The following ARL8A variants were observed in gnomAD, a reference collection of about 807,000 sequenced individuals.
ARL8A encodes the protein ARF like GTPase 8A, also known as ADP-ribosylation factor-like protein 8A.
In ARL8A, 10 loss-of-function variants were observed where a neutral mutation model predicts 31.2. The observed-to-expected ratio is 0.32, with a 90% CI of 0.20 to 0.54. The LOEUF is 0.54. Among genes scored for constraint, ARL8A ranks in the 20% least tolerant of loss-of-function variants. The pLI is 0.93. For synonymous variants in ARL8A, 70 were observed against 86.9 expected (o/e 0.81, Z 1.08); for missense variants, 129 against 242.8 (o/e 0.53, Z 3.12).
chr1:202,135,344 G>T lies in ARL8A; in HGVS notation c.440+115C>A. 3 of 1,478,172 alleles carry T rather than the reference G, an allele frequency of 2.0e-6. No homozygotes were observed. In the South Asian group the frequency reaches 3.4e-5, roughly 17 times the overall value. 91.6% of individuals were successfully genotyped at this position (1,478,172 alleles called of 1,614,324 possible). ...AGGGGAGGGTGAGGTGCCTGAAAAG[G>T]TCGGCTCTGCTGCCACCGTGTGGCT... On this transcript the variant is annotated intron_variant, in intron 5 of 6. Coordinates refer to ENST00000272217, the MANE Select transcript of ARL8A (RefSeq NM_138795.4). The surrounding 1 kb of genome is among the most constrained non-coding windows in gnomAD (Gnocchi z 5.3).
chr1:202,135,431 GA>G lies in ARL8A; in HGVS notation c.440+27del. 1 of 1,608,856 alleles carries G rather than the reference GA, an allele frequency of 6.2e-7. No individual in the cohort carries two copies. Among genetic ancestry groups the G allele is most frequent in the Non-Finnish European group, 8.5e-7 (1 of 1,175,218 alleles). On this transcript the variant is annotated intron_variant, in intron 5 of 6. Transcript: ENST00000272217. This position sits in a 1 kb window ranked among gnomAD's most constrained non-coding sequence, Gnocchi z 5.3. ...TGGTGGTTGGGGAATTGGGAGAGCA[GA>G]AAGTAATATAGAGTCACCCAACTCA...
chr1:202,144,613 GC>G lies in ARL8A; in HGVS notation c.-42del. 5 of 1,358,276 alleles carry G rather than the reference GC, an allele frequency of 3.7e-6. No individual in the cohort carries two copies. The highest frequency in any genetic ancestry group is 4.4e-5 in the East Asian group (1 of 22,640). The allele number at this position is 1,358,276 out of a possible 1,614,324, so 84.1% of individuals were successfully genotyped here. On this transcript the variant is annotated 5_prime_UTR_variant, in exon 1 of 7. Coordinates refer to ENST00000272217, the MANE Select transcript of ARL8A (RefSeq NM_138795.4). This position sits in a 1 kb window ranked among gnomAD's most constrained non-coding sequence, Gnocchi z 5.2. ...CCCCGCCCGGTGCCAGGTCCCCGCC[GC>G]CCCTCGCTGCCCTCGCGCTGCGGCC...
chr1:202,143,464 C>G (rs1379527607), intron 1 of ARL8A, among the ~76,000 whole-genome samples: 1 of 152,208 alleles, frequency 6.6e-6, no homozygotes, highest in Non-Finnish European at 1.5e-5. Flanking sequence ...AGCTTTGGGA[C>G]TGGGGCCAGG....
intron 1 of ARL8A, among the ~76,000 whole-genome samples, chr1:202,139,928 G>A (rs1267603337): frequency 4.6e-5 from 7 of 151,938 alleles, no homozygotes; most frequent in Non-Finnish European, 2.9e-5. Flanking sequence ...GATTATAGGG[G>A]TGAGCCACGG....
rs1189743007 is a variant in ARL8A at position 202,133,797 on chromosome 1, C to T, written c.*670G>A. 1 of 152,196 alleles carries T rather than the reference C, an allele frequency of 6.6e-6. No homozygotes were observed. The highest frequency in any genetic ancestry group is 1.5e-5 in the Non-Finnish European group (1 of 68,060). The allele number at this position is 152,196 out of a possible 1,614,324, so 9.4% of individuals were successfully genotyped here. A position where few individuals can be genotyped will look rare whatever the true frequency, so the allele number is the denominator to read the frequency against. On this transcript the variant is annotated 3_prime_UTR_variant, in exon 7 of 7. Transcript: ENST00000272217. ...CTGGTCGTCGTACCTGGTGGCTCTA[C>T]CCAGGCTGGGGGTCGAGGGGAGGGG... is the stretch of plus-strand genomic sequence containing the variant.
intron 1 of ARL8A, among the ~76,000 whole-genome samples, chr1:202,139,810 G>A (rs536401457): frequency 2.6e-4 from 39 of 151,320 alleles, no homozygotes; most frequent in African/African-American, 9.0e-4. Context: ...ACCACACCCA[G>A]CTAATTTTTG....
At position 202,134,396 on chromosome 1, in the gene ARL8A, G is replaced by T. The variant is rs1397953934; in HGVS notation, c.*71C>A. 2.6e-6 allele frequency: 4 copies of T among 1,514,672 alleles called. No homozygotes were observed. The highest frequency in any genetic ancestry group is 3.7e-6 in the Non-Finnish European group (4 of 1,091,798). 93.8% of individuals were successfully genotyped at this position (1,514,672 alleles called of 1,614,324 possible). On this transcript the variant is annotated 3_prime_UTR_variant, in exon 7 of 7. Coordinates refer to ENST00000272217, the MANE Select transcript of ARL8A (RefSeq NM_138795.4). This position sits in a 1 kb window ranked among gnomAD's most constrained non-coding sequence, Gnocchi z 4.2. ...AGGGGTGGGCTTAGGGGGACGACAG[G>T]GGTGGGCGGGGAGCTCGGCTTCAGG... is the stretch of plus-strand genomic sequence containing the variant.
chr1:202,137,942 G>A (rs370090800), intron 3 of ARL8A, 23 bp downstream of exon 3: 1 of 1,613,648 alleles, frequency 6.2e-7, no homozygotes, highest in African/African-American at 1.3e-5. Flanking sequence ...GCTGGAGTCT[G>A]GCGATGCCTC....
Position 202,134,209 on chromosome 1 carries a change from G to A in ARL8A, c.*258C>T. On this transcript the variant is annotated 3_prime_UTR_variant, in exon 7 of 7. Transcript: ENST00000272217. The surrounding 1 kb of genome is among the most constrained non-coding windows in gnomAD (Gnocchi z 4.2). Reference sequence around the variant, plus strand: ...GGGGGCTGTGGCCCAGGGCTGCTGGGAGGGAGGCAGGGCTGGGTGATGGGA... The same window carrying A: ...GGGGGCTGTGGCCCAGGGCTGCTGGAAGGGAGGCAGGGCTGGGTGATGGGA... 2 of 523,500 alleles carry A rather than the reference G, an allele frequency of 3.8e-6. No homozygotes were observed. The highest frequency in any genetic ancestry group is 6.5e-5 in the Admixed American group (2 of 30,664). 32.4% of individuals were successfully genotyped at this position (523,500 alleles called of 1,614,324 possible). A position where few individuals can be genotyped will look rare whatever the true frequency, so the allele number is the denominator to read the frequency against.
In ARL8A at chr1:202,135,322, G is replaced by A; in HGVS notation, c.441-102C>T. On this transcript the variant is annotated intron_variant, in intron 5 of 6. Transcript: ENST00000272217. This position sits in a 1 kb window ranked among gnomAD's most constrained non-coding sequence, Gnocchi z 5.3. ...TTTCTTACCTAAGAGGCTACAAAGG[G>A]GAGGGTGAGGTGCCTGAAAAGGTCG... is the stretch of plus-strand genomic sequence containing the variant. 1 of 1,450,956 alleles carries A rather than the reference G, an allele frequency of 6.9e-7. No individual in the cohort carries two copies. Among genetic ancestry groups the A allele is most frequent in the Non-Finnish European group, 9.7e-7 (1 of 1,032,984 alleles). 89.9% of individuals were successfully genotyped at this position (1,450,956 alleles called of 1,614,324 possible). A position where few individuals can be genotyped will look rare whatever the true frequency, so the allele number is the denominator to read the frequency against.
chr1:202,143,478 C>G (rs1304295507), intron 1 of ARL8A, among the ~76,000 whole-genome samples: 3 of 152,214 alleles, frequency 2.0e-5, no homozygotes, highest in African/African-American at 7.2e-5. Context: ...GGCCAGGTCC[C>G]TGGACAACCC....
chr1:202,144,643 A>C lies in ARL8A; in HGVS notation c.-71T>G. 3.3e-6 allele frequency: 4 copies of C among 1,221,942 alleles called. No homozygotes were observed. The highest frequency in any genetic ancestry group is 4.1e-6 in the Non-Finnish European group (4 of 966,158). The allele number at this position is 1,221,942 out of a possible 1,614,324, so 75.7% of individuals were successfully genotyped here. On this transcript the variant is annotated 5_prime_UTR_variant, in exon 1 of 7. Coordinates refer to ENST00000272217, the MANE Select transcript of ARL8A (RefSeq NM_138795.4). The surrounding 1 kb of genome is among the most constrained non-coding windows in gnomAD (Gnocchi z 5.2). ...TCGCTGCCCTCGCGCTGCGGCCCGG[A>C]GCGGCCCCTCCCCGGTACGGCCCGG...
chr1:202,136,549 G>T (rs1655010484), intron 3 of ARL8A, among the ~76,000 whole-genome samples: 1 of 151,942 alleles, frequency 6.6e-6, no homozygotes, highest in South Asian at 2.1e-4. Context: ...AAAGTGCTGG[G>T]ATTACAGGCA....
chr1:202,137,077 C>T (rs1013432203), intron 3 of ARL8A, among the ~76,000 whole-genome samples: 3 of 151,938 alleles, frequency 2.0e-5, no homozygotes, highest in Non-Finnish European at 4.4e-5. Flanking sequence ...AGGATGGTCT[C>T]GATCTTCTGA....
intron 3 of ARL8A, among the ~76,000 whole-genome samples, chr1:202,136,372 C>T (rs1280620002): frequency 2.0e-5 from 3 of 150,112 alleles, no homozygotes; most frequent in Non-Finnish European, 4.5e-5. Context: ...CTCCGCCTGC[C>T]AGGTTCAAGC....
rs1655076291 is a variant in ARL8A, at chr1:202,138,400, G to T, written c.172C>A (p.Arg58Ser). 6.2e-7 allele frequency: 1 copy of T among 1,613,956 alleles called. No individual in the cohort carries two copies. The highest frequency in any genetic ancestry group is 8.5e-7 in the Non-Finnish European group (1 of 1,179,964). ...DMIPTVGFNMRKITKGNVTIK... is the reference protein window; with the variant it reads ...DMIPTVGFNMSKITKGNVTIK... ...GTCACATTCCCTTTGGTGATTTTGCGCATGTTGAAACCCACGGTGGGGATC... is the reference window on the plus strand; with the variant it reads ...GTCACATTCCCTTTGGTGATTTTGCTCATGTTGAAACCCACGGTGGGGATC... The change falls in exon 2 of 7, where the codon CGC (arginine) becomes AGC (serine). Residue 58 changes from arginine (R) to serine (S), a missense_variant. Physicochemically the swap from Arg to Ser is moderately radical, Grantham distance 110. Transcript: ENST00000272217. The surrounding 1 kb of genome is among the most constrained non-coding windows in gnomAD (Gnocchi z 4.4).
intron 1 of ARL8A, among the ~76,000 whole-genome samples, chr1:202,141,957 T>C (rs1655176873): frequency 6.6e-6 from 1 of 151,982 alleles, no homozygotes; most frequent in Admixed American, 6.6e-5. Flanking sequence ...AGCCTCCGCC[T>C]CCTGGGTTCA....
rs1216885555 is a variant in ARL8A, at chr1:202,138,124, C to T, written c.205-86G>A. 7.5e-6 allele frequency: 11 copies of T among 1,474,586 alleles called. No homozygotes were observed. The highest frequency in any genetic ancestry group is 1.4e-5 in the African/African-American group (1 of 71,904). The allele number at this position is 1,474,586 out of a possible 1,614,324, so 91.3% of individuals were successfully genotyped here. A position where few individuals can be genotyped will look rare whatever the true frequency, so the allele number is the denominator to read the frequency against. Reference sequence around the variant, plus strand: ...GTCTCAAATGCCCCCTCCTACCCTGCCCTACTCTCCTCTGCCTCCCCGGCT... The same window carrying T: ...GTCTCAAATGCCCCCTCCTACCCTGTCCTACTCTCCTCTGCCTCCCCGGCT... On this transcript the variant is annotated intron_variant, in intron 2 of 6. Coordinates refer to ENST00000272217, the MANE Select transcript of ARL8A (RefSeq NM_138795.4). This position sits in a 1 kb window ranked among gnomAD's most constrained non-coding sequence, Gnocchi z 4.4.
intron 1 of ARL8A, among the ~76,000 whole-genome samples, chr1:202,139,959 C>T (rs1655123190): frequency 6.6e-6 from 1 of 151,704 alleles, no homozygotes; most frequent in Non-Finnish European, 1.5e-5. Context: ...AGCCCTGTTC[C>T]TTTACCATGC....
Sources: gnomAD v4.1 joint callset for allele counts (sites outside exome capture counted in the v4.1 genomes callset) on GRCh38, gnomAD v4.1.1 for gene constraint, Gnocchi (gnomAD v3.1) non-coding constraint, MANE v1.5 for transcripts, NCBI Gene and HGNC (gene_info 2026-07-23, HGNC 2026-07-21) for gene names.